NXPE4: variants seen among roughly 807,000 people sequenced by gnomAD.
NXPE4 encodes the protein neurexophilin and PC-esterase domain family member 4, also known as NXPE family member 4.
In NXPE4, 42 loss-of-function variants were observed where a neutral mutation model predicts 33.3. The observed-to-expected ratio is 1.26, with a 90% CI of 0.98 to 1.63. The LOEUF is 1.63. Among genes scored for constraint, NXPE4 ranks in the 40% most tolerant of loss-of-function variants. The pLI is 0.00. For missense variants in NXPE4, 709 were observed against 647.6 expected (o/e 1.09, Z -1.03); for synonymous variants, 253 against 234.9 (o/e 1.08, Z -0.71).
chr11:114,666,273 C>A, the NXPE4 span, among the ~76,000 whole-genome samples: 1 of 152,142 alleles, frequency 6.6e-6, no homozygotes, highest in Non-Finnish European at 1.5e-5. Flanking sequence ...CTCACAGCAG[C>A]ATTTTCATTT....
the NXPE4 span, among the ~76,000 whole-genome samples, chr11:114,661,200 A>G: frequency 6.6e-6 from 1 of 152,208 alleles, no homozygotes; most frequent in Non-Finnish European, 1.5e-5. Flanking sequence ...AGATTCAATA[A>G]AATTCAAATC....
At chr11:114,640,258 T>C in the NXPE4 span, among the ~76,000 whole-genome samples, 4 of 142,762 alleles carry the variant, frequency 2.8e-5, no homozygotes, top group African/African-American at 1.0e-4. Flanking sequence ...ATATAAAATA[T>C]ATAGTATATA....
chr11:114,599,663 G>A (rs990748074), upstream of NXPE4, among the ~76,000 whole-genome samples: 4 of 152,108 alleles, frequency 2.6e-5, no homozygotes, highest in African/African-American at 9.7e-5. Context: ...AAGGCAAAGT[G>A]GGAGCAGGTG....
At chr11:114,626,481 A>T in the NXPE4 span, among the ~76,000 whole-genome samples, 3 of 152,202 alleles carry the variant, frequency 2.0e-5, no homozygotes, top group Non-Finnish European at 4.4e-5. Context: ...TGTTAGAAGG[A>T]AAACTAACAG....
chr11:114,577,433 T>C (rs907876911), intron 5 of NXPE4, among the ~76,000 whole-genome samples: 3 of 151,916 alleles, frequency 2.0e-5, no homozygotes, highest in South Asian at 2.1e-4. Context: ...TAAAAGACTA[T>C]ACATTGGGCA....
At chr11:114,659,569 A>G in the NXPE4 span, among the ~76,000 whole-genome samples, 2 of 152,290 alleles carry the variant, frequency 1.3e-5, no homozygotes, top group East Asian at 1.9e-4. Context: ...ACATACTTCT[A>G]CATAATTCAA....
chr11:114,629,003 C>G, the NXPE4 span, among the ~76,000 whole-genome samples: 46 of 152,148 alleles, frequency 3.0e-4, 1 homozygote, highest in South Asian at 9.3e-3. Context: ...AGACCAATAA[C>G]AGGCTCTGAA....
intron 5 of NXPE4, among the ~76,000 whole-genome samples, chr11:114,577,932 C>T (rs1293212056): frequency 2.0e-5 from 3 of 152,114 alleles, no homozygotes; most frequent in Non-Finnish European, 4.4e-5. Context: ...GAACCCTTTA[C>T]GATATACAAA....
the NXPE4 span, among the ~76,000 whole-genome samples, chr11:114,657,085 C>T: frequency 6.6e-6 from 1 of 152,184 alleles, no homozygotes; most frequent in Non-Finnish European, 1.5e-5. Context: ...CAGAGTGAGA[C>T]TCCATCTCAA....
At chr11:114,640,893 A>C in the NXPE4 span, among the ~76,000 whole-genome samples, 1 of 151,968 alleles carries the variant, frequency 6.6e-6, no homozygotes, top group Non-Finnish European at 1.5e-5. Flanking sequence ...ATTTTCTCTC[A>C]TTTTGTAGGT....
chr11:114,580,651 C>T (rs1033393524), intron 4 of NXPE4, among the ~76,000 whole-genome samples: 4 of 152,114 alleles, frequency 2.6e-5, no homozygotes, highest in African/African-American at 7.2e-5. Context: ...GTCATCAATT[C>T]TTGCATAGGA....
intron 2 of NXPE4, chr11:114,584,484 GA>G: frequency 5.4e-6 from 1 of 186,616 alleles, no homozygotes; most frequent in South Asian, 9.8e-5. Context: ...CCGTTTCTCT[GA>G]CAGATGAATT....
the NXPE4 span, among the ~76,000 whole-genome samples, chr11:114,635,142 A>G: frequency 6.6e-6 from 1 of 150,550 alleles, no homozygotes; most frequent in Non-Finnish European, 1.5e-5. Flanking sequence ...TATTTCCTTG[A>G]GCAGTGGTTT....
At chr11:114,639,067 GAGGTGGAGCCTACAGAGGCAGGC>G in the NXPE4 span, among the ~76,000 whole-genome samples, 2 of 152,088 alleles carry the variant, frequency 1.3e-5, no homozygotes, top group East Asian at 3.9e-4. Context: ...CCTGCCCCCA[GAGGTGGAGCCTACAGAGGCAGGC>G]AGCCCTCCTT....
intron 1 of NXPE4, among the ~76,000 whole-genome samples, chr11:114,595,071 C>A (rs1949549702): frequency 6.6e-6 from 1 of 152,146 alleles, no homozygotes; most frequent in African/African-American, 2.4e-5. Flanking sequence ...GATGAAGTCT[C>A]CAGACTATTT....
the NXPE4 span, among the ~76,000 whole-genome samples, chr11:114,609,786 A>C: frequency 2.0e-5 from 3 of 147,868 alleles, no homozygotes; most frequent in African/African-American, 7.5e-5. Flanking sequence ...GGGTAACCAC[A>C]GTTACCTGAT....
chr11:114,635,710 C>G, the NXPE4 span, among the ~76,000 whole-genome samples: 2 of 151,924 alleles, frequency 1.3e-5, no homozygotes, highest in African/African-American at 4.8e-5. Context: ...TTTTCTGCAT[C>G]TATTGAGATA....
chr11:114,653,907 G>T, the NXPE4 span, among the ~76,000 whole-genome samples: 7 of 152,178 alleles, frequency 4.6e-5, no homozygotes, highest in Middle Eastern at 0.014. Flanking sequence ...ATCTACATTT[G>T]TAAACTAGAG....
At chr11:114,632,960 A>G in the NXPE4 span, among the ~76,000 whole-genome samples, 2 of 102,224 alleles carry the variant, frequency 2.0e-5, no homozygotes, top group Non-Finnish European at 3.5e-5. Flanking sequence ...TATTTTATAT[A>G]ATTATATATT....
Sources: gnomAD v4.1 joint callset for allele counts (sites outside exome capture counted in the v4.1 genomes callset) on GRCh38, gnomAD v4.1.1 for gene constraint, MANE v1.5 for transcripts, NCBI Gene and HGNC (gene_info 2026-07-23, HGNC 2026-07-21) for gene names.